Variants in SLAIN2 observed in about 807,000 individuals in gnomAD.
SLAIN2 encodes SLAIN family member 2.
SLAIN2 carries 31 observed loss-of-function variants against 56.6 expected under a neutral mutation model. The ratio of observed to expected loss-of-function variants is 0.55; its 90% CI spans 0.41 to 0.74. SLAIN2 has a LOEUF of 0.74. Ranked by LOEUF, SLAIN2 falls within the 30% of genes least tolerant of loss-of-function variation. The pLI, the probability that SLAIN2 is intolerant of heterozygous loss-of-function variation, is 0.00. For missense variants in SLAIN2, 777 were observed against 754.2 expected (o/e 1.03, Z -0.35); for synonymous variants, 317 against 284.9 (o/e 1.11, Z -1.13).
chr4:48,418,060 G>T (rs1717043259), intron 6 of SLAIN2, among the ~76,000 whole-genome samples: 1 of 149,004 alleles, frequency 6.7e-6, no homozygotes, highest in East Asian at 2.0e-4. Flanking sequence ...TAACCTCTGT[G>T]CCTTTTATTA....
intron 1 of SLAIN2, among the ~76,000 whole-genome samples, chr4:48,348,375 C>CG (rs1390200130): frequency 6.6e-6 from 1 of 152,042 alleles, no homozygotes; most frequent in African/African-American, 2.4e-5. Flanking sequence ...CTGTTGCACT[C>CG]TATGTGGGAG....
chr4:48,376,170 G>A (rs1715803447), intron 2 of SLAIN2, among the ~76,000 whole-genome samples: 1 of 152,200 alleles, frequency 6.6e-6, no homozygotes, highest in African/African-American at 2.4e-5. Flanking sequence ...TATGAAGGAA[G>A]GGGCTGGGCA....
At chr4:48,420,049 C>A in intron 6 of SLAIN2, 76 bp from the exon 7 acceptor site, 1 of 1,401,522 alleles carries the variant, frequency 7.1e-7, no homozygotes, top group Non-Finnish European at 9.9e-7. Flanking sequence ...GCCCAATCAT[C>A]AGTTGTAATT....
intron 1 of SLAIN2, among the ~76,000 whole-genome samples, chr4:48,349,964 C>A (rs1410576090): frequency 6.6e-6 from 1 of 151,236 alleles, no homozygotes; most frequent in Non-Finnish European, 1.5e-5. Context: ...TTTAATTGGG[C>A]AAAAAAAACA....
Position 48,341,994 on chromosome 4 carries a change from G to A in SLAIN2, c.255G>A (p.Arg85=), listed in dbSNP as rs1216408328. The A allele has an allele frequency of 2.8e-6, 4 of 1,425,550 alleles. No individual in the cohort carries two copies. The highest frequency in any genetic ancestry group is 3.7e-6 in the Non-Finnish European group (4 of 1,095,248). The allele number at this position is 1,425,550 out of a possible 1,614,324, so 88.3% of individuals were successfully genotyped here. ...SGGGPGSGPR[R]TSSEELRDAT... ...GCGGGCCCGGGTCGGGCCCGAGGCG[G>A]ACGAGTAGCGAAGAGCTGCGGGACG... The change falls in exon 1 of 8, where the codon CGG becomes CGA. Residue 85 remains arginine (R), a synonymous_variant. Transcript: ENST00000264313.
At chr4:48,379,976 C>A in intron 4 of SLAIN2, 128 bp downstream of exon 4, 2 of 852,332 alleles carry the variant, frequency 2.3e-6, no homozygotes, top group Non-Finnish European at 3.4e-6. Context: ...GTGGACATTT[C>A]AGAGACTTAG....
chr4:48,366,467 A>G (rs1715522622), intron 1 of SLAIN2, among the ~76,000 whole-genome samples: 1 of 152,156 alleles, frequency 6.6e-6, no homozygotes, highest in African/African-American at 2.4e-5. Context: ...TACTGTTGTT[A>G]GGTATGTTTA....
intron 6 of SLAIN2, among the ~76,000 whole-genome samples, chr4:48,408,267 G>T (rs902589368): frequency 6.6e-6 from 1 of 151,846 alleles, no homozygotes; most frequent in African/African-American, 2.4e-5. Context: ...AGAGGTTGAG[G>T]CTGCAGTGAG....
At chr4:48,414,579 C>CT (rs1295014579) in intron 6 of SLAIN2, among the ~76,000 whole-genome samples, 1 of 127,946 alleles carries the variant, frequency 7.8e-6, no homozygotes, top group Non-Finnish European at 1.6e-5. Flanking sequence ...TTATTATACT[C>CT]TAAGTTTTAG....
chr4:48,399,644 C>T (rs1423327666), intron 6 of SLAIN2, among the ~76,000 whole-genome samples: 1 of 151,994 alleles, frequency 6.6e-6, no homozygotes, highest in Non-Finnish European at 1.5e-5. Flanking sequence ...GTGGGTTTGT[C>T]GTATGTGTCT....
intron 6 of SLAIN2, among the ~76,000 whole-genome samples, chr4:48,398,631 TTTACA>T (rs1226786657): frequency 6.6e-6 from 1 of 152,156 alleles, no homozygotes; most frequent in East Asian, 1.9e-4. Flanking sequence ...AGTTTGGGGT[TTTACA>T]TTAAAGTCTT....
chr4:48,358,582 C>T (rs1411958804), intron 1 of SLAIN2, among the ~76,000 whole-genome samples: 2 of 152,142 alleles, frequency 1.3e-5, no homozygotes, highest in Admixed American at 6.5e-5. Context: ...TCCCAGAGTG[C>T]TGGGATTACA....
Position 48,383,681 on chromosome 4 carries a change from A to T in SLAIN2, c.1257A>T (p.Arg419=). 1 of 1,606,076 alleles carries T rather than the reference A, an allele frequency of 6.2e-7. No individual in the cohort carries two copies. The highest frequency in any genetic ancestry group is 1.1e-5 in the South Asian group (1 of 89,676). ...GACGCAGTCTTCCAAACCTGTCCCGAACATCTAATACACAAGTTGACTCAG... is the reference window on the plus strand; with the variant it reads ...GACGCAGTCTTCCAAACCTGTCCCGTACATCTAATACACAAGTTGACTCAG... ...KLRRSLPNLS[R]TSNTQVDSVK... Residue 419 remains arginine (R), a synonymous_variant, in exon 6 of 8, where the codon CGA becomes CGT. Coordinates refer to ENST00000264313, the MANE Select transcript of SLAIN2 (RefSeq NM_020846.2).
intron 6 of SLAIN2, 35 bp from the exon 7 acceptor site, chr4:48,420,090 C>T: frequency 1.9e-6 from 3 of 1,600,518 alleles, no homozygotes; most frequent in Non-Finnish European, 2.6e-6. Flanking sequence ...TACAGATTTC[C>T]ACTCAAAAAT....
intron 6 of SLAIN2, 26 bp downstream of exon 6, chr4:48,383,810 G>A (rs756263690): frequency 5.7e-6 from 9 of 1,591,442 alleles, no homozygotes; most frequent in Non-Finnish European, 6.9e-6. Context: ...ATGCTTTCAT[G>A]TATCAGTTAT....
intron 6 of SLAIN2, among the ~76,000 whole-genome samples, chr4:48,399,425 G>C (rs1716490444): frequency 6.6e-6 from 1 of 152,074 alleles, no homozygotes; most frequent in South Asian, 2.1e-4. Context: ...GGGTTTTCTG[G>C]ATATAGAATA....
intron 6 of SLAIN2, among the ~76,000 whole-genome samples, chr4:48,397,145 T>C (rs1716420068): frequency 6.6e-6 from 1 of 152,130 alleles, no homozygotes; most frequent in Non-Finnish European, 1.5e-5. Flanking sequence ...GGCAGAGACC[T>C]CACCAAGCCA....
chr4:48,374,657 G>A (rs1398372393), intron 2 of SLAIN2, among the ~76,000 whole-genome samples: 2 of 152,142 alleles, frequency 1.3e-5, no homozygotes, highest in Admixed American at 6.5e-5. Context: ...GGTTATTCTA[G>A]TAGTAGTATG....
At chr4:48,408,888 A>G (rs1170811906) in intron 6 of SLAIN2, among the ~76,000 whole-genome samples, 1 of 152,166 alleles carries the variant, frequency 6.6e-6, no homozygotes, top group Non-Finnish European at 1.5e-5. Flanking sequence ...TGCCCTATAC[A>G]GATGTACCAT....
Sources: gnomAD v4.1 joint callset for allele counts (sites outside exome capture counted in the v4.1 genomes callset) on GRCh38, gnomAD v4.1.1 for gene constraint, MANE v1.5 for transcripts, NCBI Gene and HGNC (gene_info 2026-07-23, HGNC 2026-07-21) for gene names.